Variants in PANK3 observed in about 807,000 individuals in gnomAD.
PANK3 encodes pantothenate kinase 3.
Under a neutral mutation model 39.4 loss-of-function variants are expected in PANK3, and 20 were observed. The observed-to-expected ratio is 0.51, with a 90% CI of 0.36 to 0.74. The LOEUF is 0.74. Among genes scored for constraint, PANK3 ranks in the 30% least tolerant of loss-of-function variants. PANK3 has a pLI of 0.00. For missense variants in PANK3, 265 were observed against 437.0 expected, an observed-to-expected ratio of 0.61 and a Z score of 3.51; for synonymous variants, 140 against 157.3, an observed-to-expected ratio of 0.89 and a Z score of 0.82.
chr5:168,561,600 AT>A, intron 4 of PANK3, 84 bp from the exon 5 acceptor site: 1 of 1,188,584 alleles, frequency 8.4e-7, no homozygotes, highest in Non-Finnish European at 1.1e-6. Flanking sequence ...CAACCTGGAT[AT>A]TTTTATAAAA....
At chr5:168,575,553 G>C (rs1759717589) in intron 1 of PANK3, among the ~76,000 whole-genome samples, 1 of 152,150 alleles carries the variant, frequency 6.6e-6, no homozygotes, top group Non-Finnish European at 1.5e-5. Flanking sequence ...AATCCCAGCG[G>C]GAGGGTCACT....
intron 3 of PANK3, among the ~76,000 whole-genome samples, chr5:168,564,819 G>A (rs1316939764): frequency 6.6e-6 from 1 of 152,056 alleles, no homozygotes; most frequent in Non-Finnish European, 1.5e-5. Context: ...AATTCAATAT[G>A]ATACACTAAT....
In PANK3 at chr5:168,559,041, T is replaced by C. The variant is rs765922729; in HGVS notation, c.1053A>G (p.Leu351=). 6 of 1,604,796 alleles carry C rather than the reference T, an allele frequency of 3.7e-6. No homozygotes were observed. The South Asian group carries it at 6.7e-5, about 18-fold the overall frequency. ...CATTTTCCTACCATACCTCATGTTC[T>C]AGAAACAATGCTTTTAGTTGACCTT... ...WSKGQLKALF[L]EHEGYFGAVG... The change falls in exon 6 of 7, where the codon CTA becomes CTG. Residue 351 remains leucine, a synonymous_variant. Coordinates refer to ENST00000239231, the MANE Select transcript of PANK3 (RefSeq NM_024594.4).
chr5:168,569,033 A>T, intron 1 of PANK3, 35 bp from the exon 2 acceptor site: 1 of 324,118 alleles, frequency 3.1e-6, no homozygotes, highest in Non-Finnish European at 4.7e-6. Flanking sequence ...AAAAAAAAAT[A>T]TATATATATA....
rs557555259 is a variant in PANK3, at chr5:168,549,195, G to A, written c.*8376C>T. 1 of 152,132 alleles carries A rather than the reference G, an allele frequency of 6.6e-6. No individual in the cohort carries two copies. Among genetic ancestry groups the A allele is most frequent in the South Asian group, 2.1e-4 (1 of 4,820 alleles). 9.4% of individuals were successfully genotyped at this position (152,132 alleles called of 1,614,324 possible). On this transcript the variant is annotated 3_prime_UTR_variant, in exon 7 of 7. Coordinates refer to ENST00000239231, the MANE Select transcript of PANK3 (RefSeq NM_024594.4). ...TCCTAATACTATTAGTTATATTCGG[G>A]GCAAGCAGACTAGGATATTGGTGTT...
chr5:168,566,329 T>C (rs1029921928), intron 2 of PANK3, 63 bp from the exon 3 acceptor site: 70 of 1,492,546 alleles, frequency 4.7e-5, no homozygotes, highest in Non-Finnish European at 6.1e-5. Flanking sequence ...ACTATATGAT[T>C]TTCCTGTATT....
At position 168,562,850 on chromosome 5, in the gene PANK3, A is replaced by C. The variant is rs1003313499; in HGVS notation, c.812+1039T>G. Among the ~76,000 whole-genome samples the C allele has an allele frequency of 5.9e-5, 9 of 152,308 alleles. No individual in the cohort carries two copies. The South Asian group carries it at 1.7e-3, about 28-fold the overall frequency. On this transcript the variant is annotated intron_variant, in intron 4 of 6. Transcript: ENST00000239231. ...CAAGTTCATACAGAAAATCAAGCAA[A>C]GGAGTGAAACTAGCCCTTCTAGAGA... is the stretch of plus-strand genomic sequence containing the variant.
chr5:168,575,084 C>G (rs758423890), intron 1 of PANK3, among the ~76,000 whole-genome samples: 29 of 151,726 alleles, frequency 1.9e-4, no homozygotes, highest in Non-Finnish European at 3.4e-4. Context: ...CAAAACAAAA[C>G]ACACATTACA....
chr5:168,566,954 G>A (rs541233210), intron 2 of PANK3, among the ~76,000 whole-genome samples: 1 of 152,288 alleles, frequency 6.6e-6, no homozygotes, highest in African/African-American at 2.4e-5. Context: ...TCATTGGTCA[G>A]GCTGGTCTCC....
rs775365057 is a variant in PANK3, at chr5:168,566,253, T to C, written c.395A>G (p.His132Arg). 2.3e-5 allele frequency: 36 copies of C among 1,597,808 alleles called. 1 individual carries two copies. The Middle Eastern group carries it at 3.3e-3, about 147-fold the overall frequency. ...GTCAAGTTCATCCAGTTTGTGCAGGTGGAGGTTTCCAATCTGTTAAAACAA... is the reference window on the plus strand; with the variant it reads ...GTCAAGTTCATCCAGTTTGTGCAGGCGGAGGTTTCCAATCTGTTAAAACAA... ...EKDFRTIGNL[H>R]LHKLDELDCL... The change falls in exon 3 of 7, where the codon CAC becomes CGC. Residue 132 changes from histidine (H) to arginine (R), a missense_variant. Around this residue, in one of 3 missense-constraint regions of PANK3, gnomAD observed 154 missense variants for 256.8 expected, o/e 0.60. Transcript: ENST00000239231.
chr5:168,569,129 G>T, intron 1 of PANK3, 131 bp from the exon 2 acceptor site: 1 of 203,240 alleles, frequency 4.9e-6, no homozygotes, highest in Non-Finnish European at 8.9e-6. Context: ...GCAATAATAT[G>T]TATTGGGTAA....
At chr5:168,563,322 G>C (rs1232514515) in intron 4 of PANK3, among the ~76,000 whole-genome samples, 3 of 152,116 alleles carry the variant, frequency 2.0e-5, no homozygotes, top group Non-Finnish European at 4.4e-5. Flanking sequence ...AGTGTTGGTA[G>C]GAGAAATGTA....
At chr5:168,564,464 ACT>A (rs1237477834) in intron 3 of PANK3, among the ~76,000 whole-genome samples, 2 of 152,170 alleles carry the variant, frequency 1.3e-5, no homozygotes, top group Non-Finnish European at 2.9e-5. Flanking sequence ...ACAAGGTCTC[ACT>A]CTGTCCCTCA....
rs1329937489 is a variant in PANK3, at chr5:168,551,720, T to C, written c.*5851A>G. On this transcript the variant is annotated 3_prime_UTR_variant, in exon 7 of 7. Transcript: ENST00000239231. ...TCATTCTGCTTATAGAAACAGTCTT[T>C]AAGGGACTGGTATTTACATTATAGC... 1 of 152,116 alleles carries C rather than the reference T, an allele frequency of 6.6e-6. No homozygotes were observed. Among genetic ancestry groups the C allele is most frequent in the Non-Finnish European group, 1.5e-5 (1 of 68,036 alleles). The allele number at this position is 152,116 out of a possible 1,614,324, so 9.4% of individuals were successfully genotyped here. A position where few individuals can be genotyped will look rare whatever the true frequency, so the allele number is the denominator to read the frequency against.
At position 168,556,249 on chromosome 5, in the gene PANK3, G is replaced by A. The variant is rs1759346919; in HGVS notation, c.*1322C>T. ...GAAGTGGAAGGCATTCTTTTAAGGGGATAAGAAGCAAATGGAAGACTTGCT... is the reference window on the plus strand; with the variant it reads ...GAAGTGGAAGGCATTCTTTTAAGGGAATAAGAAGCAAATGGAAGACTTGCT... On this transcript the variant is annotated 3_prime_UTR_variant, in exon 7 of 7. Coordinates refer to ENST00000239231, the MANE Select transcript of PANK3 (RefSeq NM_024594.4). The A allele has an allele frequency of 1.3e-5, 2 of 152,196 alleles. No individual in the cohort carries two copies. Among genetic ancestry groups the A allele is most frequent in the Non-Finnish European group, 2.9e-5 (2 of 68,058 alleles). 9.4% of individuals were successfully genotyped at this position (152,196 alleles called of 1,614,324 possible).
intron 1 of PANK3, chr5:168,578,551 A>G (rs1759770289): frequency 6.6e-6 from 1 of 152,226 alleles, no homozygotes; most frequent in Admixed American, 6.5e-5. Context: ...CTAAACATAA[A>G]AGGAAGCAAA....
intron 1 of PANK3, among the ~76,000 whole-genome samples, chr5:168,576,471 C>G (rs1412655880): frequency 9.9e-5 from 15 of 152,196 alleles, no homozygotes; most frequent in Non-Finnish European, 1.9e-4. Context: ...ACAGGATTGA[C>G]TTTCTCCTTC....
chr5:168,558,920 G>T, intron 6 of PANK3, 112 bp downstream of exon 6: 2 of 1,004,602 alleles, frequency 2.0e-6, no homozygotes, highest in Non-Finnish European at 1.4e-6. Context: ...GGAGGAAGAG[G>T]CTGCAGTAAG....
At chr5:168,572,342 A>C (rs1397838534) in intron 1 of PANK3, among the ~76,000 whole-genome samples, 3 of 151,168 alleles carry the variant, frequency 2.0e-5, no homozygotes, top group Non-Finnish European at 4.4e-5. Flanking sequence ...TTGATCTCCT[A>C]ACCTTGTGTG....
Sources: gnomAD v4.1 joint callset for allele counts (sites outside exome capture counted in the v4.1 genomes callset) on GRCh38, gnomAD v4.1.1 for gene constraint, gnomAD v4.1.1 regional missense constraint, MANE v1.5 for transcripts, NCBI Gene and HGNC (gene_info 2026-07-23, HGNC 2026-07-21) for gene names.